The following HSD17B12 variants were observed in gnomAD, a reference collection of about 807,000 sequenced individuals.
HSD17B12 encodes the protein very-long-chain 3-oxoacyl-CoA reductase.
HSD17B12 carries 32 observed loss-of-function variants against 39.3 expected under a neutral mutation model. The ratio of observed to expected loss-of-function variants is 0.81; its 90% CI spans 0.61 to 1.09. The LOEUF is 1.09. HSD17B12 is among the 50% of genes least tolerant of loss of function. The pLI is 0.00. For missense variants in HSD17B12, 342 were observed against 382.9 expected (o/e 0.89, Z 0.89); for synonymous variants, 150 against 146.7 (o/e 1.02, Z -0.16).
chr11:43,599,650 A>C, the HSD17B12 span, among the ~76,000 whole-genome samples: 2 of 152,166 alleles, frequency 1.3e-5, no homozygotes, highest in African/African-American at 4.8e-5. Context: ...TATTTATATA[A>C]AAATCACTTC....
chr11:43,669,238 C>T, the HSD17B12 span, among the ~76,000 whole-genome samples: 299 of 152,190 alleles, frequency 2.0e-3, 2 homozygotes, highest in Non-Finnish European at 2.7e-3. Flanking sequence ...AGGTGGCTCA[C>T]GTCTGTAATC....
chr11:43,623,176 T>C, the HSD17B12 span, among the ~76,000 whole-genome samples: 1 of 152,276 alleles, frequency 6.6e-6, no homozygotes, highest in African/African-American at 2.4e-5. Context: ...CTTTGTTTTC[T>C]AGGTTTTAAT....
At chr11:43,642,976 A>G in the HSD17B12 span, among the ~76,000 whole-genome samples, 1 of 152,060 alleles carries the variant, frequency 6.6e-6, no homozygotes, top group Admixed American at 6.5e-5. Context: ...GTATCTTTCC[A>G]ACAAGGCTTT....
intron 1 of HSD17B12, among the ~76,000 whole-genome samples, chr11:43,681,774 C>G (rs1482266409): frequency 6.7e-6 from 1 of 149,520 alleles, no homozygotes; most frequent in Non-Finnish European, 1.5e-5. Context: ...AAATGGAGGA[C>G]GAAGGTCAGG....
At chr11:43,823,825 A>G (rs1590329746) in intron 6 of HSD17B12, among the ~76,000 whole-genome samples, 1 of 152,226 alleles carries the variant, frequency 6.6e-6, no homozygotes, top group East Asian at 1.9e-4. Flanking sequence ...AATAAGGGTC[A>G]CACTGATTGT....
intron 1 of HSD17B12, among the ~76,000 whole-genome samples, chr11:43,715,054 A>G (rs1226811640): frequency 6.6e-6 from 1 of 152,218 alleles, no homozygotes; most frequent in East Asian, 1.9e-4. Flanking sequence ...TAGATACACA[A>G]TCATGTCATC....
At position 43,855,359 on chromosome 11, in the gene HSD17B12, C is replaced by T. The variant is rs1372063192; in HGVS notation, c.*111C>T. 1 of 561,680 alleles carries T rather than the reference C, an allele frequency of 1.8e-6. No homozygotes were observed. The highest frequency in any genetic ancestry group is 1.9e-5 in the African/African-American group (1 of 52,074). The allele number at this position is 561,680 out of a possible 1,614,324, so 34.8% of individuals were successfully genotyped here. ...ACCTTGTCATTTCAATAGTTATTAA[C>T]ATGACTAAATATTATCTTAATTAAG... On this transcript the variant is annotated 3_prime_UTR_variant, in exon 11 of 11. Coordinates refer to ENST00000278353, the MANE Select transcript of HSD17B12 (RefSeq NM_016142.3).
chr11:43,730,986 T>C (rs570636158), intron 1 of HSD17B12, among the ~76,000 whole-genome samples: 1 of 152,140 alleles, frequency 6.6e-6, no homozygotes, highest in African/African-American at 2.4e-5. Flanking sequence ...ACTTCTTATA[T>C]GAAGAATATT....
chr11:43,806,989 G>A (rs1191328058), intron 4 of HSD17B12, among the ~76,000 whole-genome samples: 1 of 138,992 alleles, frequency 7.2e-6, no homozygotes, highest in East Asian at 2.2e-4. Context: ...TGATCCAAGG[G>A]CCTGCCATGA....
the HSD17B12 span, among the ~76,000 whole-genome samples, chr11:43,649,124 T>A: frequency 4.6e-5 from 7 of 151,966 alleles, no homozygotes; most frequent in Admixed American, 3.3e-4. Context: ...TTTTTTTTTT[T>A]AATTATTAAC....
At chr11:43,720,496 C>G (rs1450335530) in intron 1 of HSD17B12, among the ~76,000 whole-genome samples, 3 of 152,214 alleles carry the variant, frequency 2.0e-5, no homozygotes, top group Non-Finnish European at 4.4e-5. Context: ...GTTCTTCTGG[C>G]CTTTGCTAAC....
the HSD17B12 span, among the ~76,000 whole-genome samples, chr11:43,578,526 CT>C: frequency 3.9e-5 from 6 of 152,238 alleles, no homozygotes; most frequent in African/African-American, 1.2e-4. Context: ...CACACTTTGT[CT>C]TGACAATTCA....
At chr11:43,747,549 T>C (rs1440994018) in intron 1 of HSD17B12, among the ~76,000 whole-genome samples, 1 of 152,172 alleles carries the variant, frequency 6.6e-6, no homozygotes, top group Non-Finnish European at 1.5e-5. Flanking sequence ...GTTCCCATGC[T>C]CAGAGTGAGA....
At chr11:43,608,243 G>A in the HSD17B12 span, among the ~76,000 whole-genome samples, 1 of 151,930 alleles carries the variant, frequency 6.6e-6, no homozygotes, top group African/African-American at 2.4e-5. Context: ...GCATGCACCT[G>A]TAGTCCCAGC....
At chr11:43,837,711 G>A (rs1421934825) in intron 7 of HSD17B12, among the ~76,000 whole-genome samples, 1 of 152,068 alleles carries the variant, frequency 6.6e-6, no homozygotes, top group Admixed American at 6.6e-5. Flanking sequence ...CTACAACCCA[G>A]GGAAAGTAGA....
chr11:43,659,254 A>G, the HSD17B12 span, among the ~76,000 whole-genome samples: 2 of 151,610 alleles, frequency 1.3e-5, no homozygotes, highest in Admixed American at 1.3e-4. Flanking sequence ...GCGCAGTATT[A>G]GGGTGGGAGT....
chr11:43,784,463 G>C (rs1250339205), intron 3 of HSD17B12, among the ~76,000 whole-genome samples: 1 of 151,402 alleles, frequency 6.6e-6, no homozygotes, highest in Non-Finnish European at 1.5e-5. Flanking sequence ...AGGTGGGGGT[G>C]GGGGGCAGCA....
rs572136262 is a variant in HSD17B12, at chr11:43,785,747, A to G, written c.284-12573A>G. 5.3e-5 allele frequency among the ~76,000 whole-genome samples: 8 copies of G among 152,314 alleles called. No homozygotes were observed. The East Asian group carries it at 1.5e-3, about 29-fold the overall frequency. Reference sequence around the variant, plus strand: ...GTTGCAATATGGAATCTGAAATTATATCAATTTTTTACACTGAGTGACATT... The same window carrying G: ...GTTGCAATATGGAATCTGAAATTATGTCAATTTTTTACACTGAGTGACATT... On this transcript the variant is annotated intron_variant, in intron 3 of 10. Coordinates refer to ENST00000278353, the MANE Select transcript of HSD17B12 (RefSeq NM_016142.3).
the HSD17B12 span, among the ~76,000 whole-genome samples, chr11:43,608,139 C>T: frequency 1.1e-4 from 16 of 152,026 alleles, no homozygotes; most frequent in Non-Finnish European, 1.9e-4. Flanking sequence ...GAGGCTGAGG[C>T]GGGCAGATTG....
Sources: allele counts gnomAD v4.1 joint callset (sites outside exome capture counted in the v4.1 genomes callset), GRCh38; gene constraint gnomAD v4.1.1; transcripts MANE v1.5; gene names NCBI Gene and HGNC (gene_info 2026-07-23, HGNC 2026-07-21).